KCNIP4: variants seen among roughly 807,000 people sequenced by gnomAD.
KCNIP4 encodes the protein potassium voltage-gated channel interacting protein 4.
Under a neutral mutation model 34.0 loss-of-function variants are expected in KCNIP4, and 12 were observed. The observed-to-expected ratio is 0.35, with a 90% confidence interval of 0.23 to 0.57. KCNIP4 has a LOEUF of 0.57. Among genes scored for constraint, KCNIP4 ranks in the 20% least tolerant of loss-of-function variants. KCNIP4 has a pLI of 0.83. For synonymous variants in KCNIP4, 124 were observed against 102.2 expected (o/e 1.21, Z -1.29); for missense variants, 238 against 311.7 (o/e 0.76, Z 1.78).
Position 21,011,484 on chromosome 4 carries a change from G to A in KCNIP4, c.62-128775C>T, listed in dbSNP as rs112985098. Reference sequence around the variant, plus strand: ...ATTTCCAGCCAACTTTGGAAAAATAGCATTTCAACAGCTTTGCATATCCAC... The same window carrying A: ...ATTTCCAGCCAACTTTGGAAAAATAACATTTCAACAGCTTTGCATATCCAC... On this transcript the variant is annotated intron_variant, in intron 1 of 8. Transcript: ENST00000382152. 7.6e-3 allele frequency among the ~76,000 whole-genome samples: 1,164 copies of A among 152,252 alleles called. 15 individuals are homozygous for A. The highest frequency in any genetic ancestry group is 0.025 in the African/African-American group (1,058 of 41,544).
At chr4:20,809,201 C>T (rs1029784775) in intron 3 of KCNIP4, among the ~76,000 whole-genome samples, 2 of 152,130 alleles carry the variant, frequency 1.3e-5, no homozygotes, top group South Asian at 2.1e-4. Flanking sequence ...CTTAGCAAAT[C>T]ATTGGGAATT....
chr4:21,764,301 T>G (rs550071878), intron 1 of KCNIP4, among the ~76,000 whole-genome samples: 2 of 152,000 alleles, frequency 1.3e-5, no homozygotes, highest in South Asian at 4.2e-4. Flanking sequence ...AAGGTAAAGA[T>G]GTTAGAGGTG....
At chr4:21,434,156 A>T (rs2109678120) in intron 1 of KCNIP4, among the ~76,000 whole-genome samples, 1 of 152,304 alleles carries the variant, frequency 6.6e-6, no homozygotes, top group Non-Finnish European at 1.5e-5. Context: ...ACATTGTTTA[A>T]ACCTCAGCAT....
At chr4:21,789,634 C>A (rs1219399990) in intron 1 of KCNIP4, among the ~76,000 whole-genome samples, 1 of 152,190 alleles carries the variant, frequency 6.6e-6, no homozygotes, top group Non-Finnish European at 1.5e-5. Flanking sequence ...CAGGATGTGT[C>A]TTTCCTAGTT....
chr4:21,774,767 T>C (rs1386817882), intron 1 of KCNIP4, among the ~76,000 whole-genome samples: 4 of 152,156 alleles, frequency 2.6e-5, no homozygotes, highest in Non-Finnish European at 4.4e-5. Flanking sequence ...CTTCATGAAG[T>C]TTTCATGCTG....
At chr4:21,589,175 T>C (rs189549842) in intron 1 of KCNIP4, among the ~76,000 whole-genome samples, 3 of 46,604 alleles carry the variant, frequency 6.4e-5, no homozygotes, top group African/African-American at 2.6e-4. Context: ...TATATATATA[T>C]ATATATATAT....
At chr4:20,824,201 T>C (rs1049849172) in intron 3 of KCNIP4, among the ~76,000 whole-genome samples, 2 of 152,208 alleles carry the variant, frequency 1.3e-5, no homozygotes, top group Admixed American at 6.5e-5. Flanking sequence ...CAGAGGCATT[T>C]GTGTCTGTGT....
intron 1 of KCNIP4, among the ~76,000 whole-genome samples, chr4:20,902,338 G>A (rs1727241341): frequency 6.6e-6 from 1 of 152,068 alleles, no homozygotes; most frequent in African/African-American, 2.4e-5. Flanking sequence ...ACCACAGGGA[G>A]ACTACAGGAA....
intron 1 of KCNIP4, among the ~76,000 whole-genome samples, chr4:21,752,869 G>C (rs1050084995): frequency 2.0e-5 from 3 of 152,158 alleles, no homozygotes; most frequent in Non-Finnish European, 4.4e-5. Flanking sequence ...GCTGAGAAAA[G>C]AAATTTTTCA....
At chr4:21,279,885 C>A (rs1762672834) in intron 1 of KCNIP4, among the ~76,000 whole-genome samples, 1 of 152,086 alleles carries the variant, frequency 6.6e-6, no homozygotes, top group South Asian at 2.1e-4. Context: ...TGTTAAGATA[C>A]AACATCTCAC....
At chr4:20,740,368 A>G (rs934254682) in intron 5 of KCNIP4, among the ~76,000 whole-genome samples, 2 of 152,194 alleles carry the variant, frequency 1.3e-5, no homozygotes, top group African/African-American at 4.8e-5. Context: ...CCATCAGACT[A>G]ACAGCGGAAC....
chr4:21,146,142 T>C (rs912182203), intron 1 of KCNIP4, among the ~76,000 whole-genome samples: 3 of 152,224 alleles, frequency 2.0e-5, no homozygotes, highest in Non-Finnish European at 4.4e-5. Flanking sequence ...CTCACGCCTG[T>C]AACCCCATCA....
At chr4:21,587,648 C>G (rs923213106) in intron 1 of KCNIP4, among the ~76,000 whole-genome samples, 2 of 152,034 alleles carry the variant, frequency 1.3e-5, no homozygotes, top group African/African-American at 4.8e-5. Context: ...TGCAGCTGAC[C>G]TGCAGTAGGA....
intron 1 of KCNIP4, among the ~76,000 whole-genome samples, chr4:21,628,105 T>C (rs1745462200): frequency 6.6e-6 from 1 of 152,172 alleles, no homozygotes; most frequent in African/African-American, 2.4e-5. Flanking sequence ...TCTGTAAGTA[T>C]TGCTTACTTT....
At chr4:21,372,183 T>G (rs1720507594) in intron 1 of KCNIP4, among the ~76,000 whole-genome samples, 2 of 147,216 alleles carry the variant, frequency 1.4e-5, no homozygotes, top group Non-Finnish European at 2.9e-5. Context: ...TCTTTACATT[T>G]TCTAGAAGGC....
At chr4:21,859,456 A>G (rs1724939390) in intron 1 of KCNIP4, among the ~76,000 whole-genome samples, 1 of 151,618 alleles carries the variant, frequency 6.6e-6, no homozygotes, top group Admixed American at 6.6e-5. Flanking sequence ...AAAATACAAA[A>G]AAAAAAAAAT....
intron 1 of KCNIP4, among the ~76,000 whole-genome samples, chr4:21,712,866 G>T (rs1713851379): frequency 1.3e-5 from 2 of 152,090 alleles, no homozygotes; most frequent in South Asian, 4.1e-4. Flanking sequence ...ATTCATTCAG[G>T]ATATAAGATT....
chr4:21,879,936 C>T (rs1330606207), intron 1 of KCNIP4, among the ~76,000 whole-genome samples: 2 of 152,048 alleles, frequency 1.3e-5, no homozygotes, highest in African/African-American at 4.8e-5. Context: ...TTTCACTCTG[C>T]ACTTCGCCTT....
intron 1 of KCNIP4, among the ~76,000 whole-genome samples, chr4:21,232,672 T>C (rs941598206): frequency 6.6e-6 from 1 of 152,202 alleles, no homozygotes; most frequent in Non-Finnish European, 1.5e-5. Context: ...CATTTATTCA[T>C]ATGTTCACTC....
Sources: gnomAD v4.1 joint callset for allele counts (sites outside exome capture counted in the v4.1 genomes callset) on GRCh38, gnomAD v4.1.1 for gene constraint, MANE v1.5 for transcripts, NCBI Gene and HGNC (gene_info 2026-07-23, HGNC 2026-07-21) for gene names.